The following CSF1R variants were observed in gnomAD, a reference collection of about 807,000 sequenced individuals.
The protein encoded by CSF1R is macrophage colony-stimulating factor 1 receptor.
Under a neutral mutation model 110.0 loss-of-function variants are expected in CSF1R, and 40 were observed. That is an observed-to-expected ratio of 0.36 (90% confidence interval 0.28 to 0.47). CSF1R has a LOEUF of 0.47. Ranked by LOEUF, CSF1R falls within the 20% of genes least tolerant of loss-of-function variation. The pLI is 0.99. For missense variants in CSF1R, 1,052 were observed against 1,253.0 expected, an observed-to-expected ratio of 0.84 and a Z score of 2.42; for synonymous variants, 523 against 503.4, an observed-to-expected ratio of 1.04 and a Z score of -0.52.
At chr5:150,102,163 C>A (rs1404026113) in intron 1 of CSF1R, among the ~76,000 whole-genome samples, 1 of 152,070 alleles carries the variant, frequency 6.6e-6, no homozygotes, top group African/African-American at 2.4e-5. Flanking sequence ...GAAGTGGGAT[C>A]GCCGGGTCAA....
intron 16 of CSF1R, among the ~76,000 whole-genome samples, chr5:150,056,961 C>T (rs185299123): frequency 9.2e-5 from 14 of 152,162 alleles, no homozygotes; most frequent in East Asian, 7.7e-4. Flanking sequence ...AGGAAGCTTC[C>T]GTTATCATCC....
upstream of CSF1R, among the ~76,000 whole-genome samples, chr5:150,088,151 A>G (rs560475370): frequency 1.4e-4 from 22 of 152,330 alleles, no homozygotes; most frequent in South Asian, 4.3e-3. Flanking sequence ...ATGTATATTT[A>G]TGAGTGTATA....
chr5:150,084,905 G>A (rs946303556), intron 1 of CSF1R, among the ~76,000 whole-genome samples: 5 of 152,136 alleles, frequency 3.3e-5, no homozygotes, highest in African/African-American at 1.2e-4. Context: ...GGGGGTGGCG[G>A]GTACACTGTG....
intron 9 of CSF1R, among the ~76,000 whole-genome samples, chr5:150,068,873 G>A (rs1757903681): frequency 6.6e-6 from 1 of 152,176 alleles, no homozygotes; most frequent in Admixed American, 6.5e-5. Flanking sequence ...GTGATGTTTT[G>A]GAGAACATAA....
intron 5 of CSF1R, among the ~76,000 whole-genome samples, chr5:150,075,465 C>T (rs1437809294): frequency 1.3e-5 from 2 of 152,220 alleles, no homozygotes; most frequent in Non-Finnish European, 1.5e-5. Flanking sequence ...AGCACAGTCC[C>T]GCTGCAGGAT....
chr5:150,053,980 A>G lies in CSF1R; in HGVS notation c.*89T>C, dbSNP rs984406490. The G allele has an allele frequency of 3.8e-6, 5 of 1,332,152 alleles. No individual in the cohort carries two copies. Among genetic ancestry groups the G allele is most frequent in the Non-Finnish European group, 5.3e-6 (5 of 949,288 alleles). The allele number at this position is 1,332,152 out of a possible 1,614,324, so 82.5% of individuals were successfully genotyped here. A position where few individuals can be genotyped will look rare whatever the true frequency, so the allele number is the denominator to read the frequency against. On this transcript the variant is annotated 3_prime_UTR_variant, in exon 21 of 21. Coordinates refer to ENST00000675795, the MANE Select transcript of CSF1R (RefSeq NM_001288705.3). ...GCTGTTGAGTGAAATGACCGAAGGCAGAGTTTGTATGTTCTCCCCGTGTCG... is the reference window on the plus strand; with the variant it reads ...GCTGTTGAGTGAAATGACCGAAGGCGGAGTTTGTATGTTCTCCCCGTGTCG...
chr5:150,070,384 C>T, intron 7 of CSF1R, 72 bp downstream of exon 7: 1 of 1,576,456 alleles, frequency 6.3e-7, no homozygotes, highest in Non-Finnish European at 8.6e-7. Context: ...CTGTGCCCTG[C>T]CCCAGTCAAC....
At chr5:150,065,845 T>C (rs1307992137) in intron 10 of CSF1R, among the ~76,000 whole-genome samples, 5 of 152,104 alleles carry the variant, frequency 3.3e-5, no homozygotes, top group African/African-American at 9.7e-5. Flanking sequence ...GGAGAGGGGA[T>C]ACAGAGTTCC....
chr5:150,078,345 GGT>G, intron 3 of CSF1R, 97 bp from the exon 4 acceptor site: 1 of 1,473,618 alleles, frequency 6.8e-7, no homozygotes, highest in Non-Finnish European at 9.1e-7. Context: ...CACAGGCCAG[GGT>G]CCCCATCACT....
At chr5:150,080,393 T>A in intron 2 of CSF1R, 57 bp from the exon 3 acceptor site, 1 of 1,571,788 alleles carries the variant, frequency 6.4e-7, no homozygotes. Flanking sequence ...GGCCAAGGAG[T>A]ACCTGGACAT....
chr5:150,097,411 GAAAA>G (rs1203533315), intron 1 of CSF1R, among the ~76,000 whole-genome samples: 1 of 146,566 alleles, frequency 6.8e-6, no homozygotes, highest in African/African-American at 2.5e-5. Context: ...AAGAAAGAAA[GAAAA>G]AAGAAAGAAA....
intron 6 of CSF1R, among the ~76,000 whole-genome samples, chr5:150,072,198 G>C (rs1758060811): frequency 6.6e-6 from 1 of 152,180 alleles, no homozygotes; most frequent in Non-Finnish European, 1.5e-5. Flanking sequence ...GGCAGGGTAT[G>C]AATGATTATT....
intron 2 of CSF1R, among the ~76,000 whole-genome samples, 156 bp downstream of exon 2, chr5:150,080,611 G>T (rs923561014): frequency 6.6e-6 from 1 of 152,206 alleles, no homozygotes; most frequent in African/African-American, 2.4e-5. Context: ...CAGGGTTGTT[G>T]TGAGGACTGC....
intron 5 of CSF1R, among the ~76,000 whole-genome samples, chr5:150,076,382 T>C (rs1325494562): frequency 6.6e-6 from 1 of 151,586 alleles, no homozygotes; most frequent in Non-Finnish European, 1.5e-5. Flanking sequence ...ATCTAATCTA[T>C]CTATCTTCTA....
At chr5:150,111,189 A>G (rs1759706914) in intron 1 of CSF1R, among the ~76,000 whole-genome samples, 1 of 152,232 alleles carries the variant, frequency 6.6e-6, no homozygotes, top group South Asian at 2.1e-4. Context: ...GGGAGCTGTG[A>G]GACCCTCATC....
intron 9 of CSF1R, 44 bp from the exon 10 acceptor site, chr5:150,068,374 C>T (rs1012042065): frequency 1.6e-5 from 23 of 1,466,192 alleles, no homozygotes; most frequent in Non-Finnish European, 2.0e-5. Context: ...GGGGTGCCTC[C>T]GAGCCCCCTG....
rs1247632490 is a variant in CSF1R at position 150,053,988 on chromosome 5, T to A, written c.*81A>T. ...GTGAAATGACCGAAGGCAGAGTTTGTATGTTCTCCCCGTGTCGCCCCATCC... is the reference window on the plus strand; with the variant it reads ...GTGAAATGACCGAAGGCAGAGTTTGAATGTTCTCCCCGTGTCGCCCCATCC... On this transcript the variant is annotated 3_prime_UTR_variant, in exon 21 of 21. Transcript: ENST00000675795. 7.2e-7 allele frequency: 1 copy of A among 1,396,650 alleles called. No individual in the cohort carries two copies. The highest frequency in any genetic ancestry group is 1.0e-6 in the Non-Finnish European group (1 of 1,003,482). The allele number at this position is 1,396,650 out of a possible 1,614,324, so 86.5% of individuals were successfully genotyped here. A position where few individuals can be genotyped will look rare whatever the true frequency, so the allele number is the denominator to read the frequency against.
intron 19 of CSF1R, chr5:150,054,708 C>T (rs1757115362): frequency 2.6e-6 from 1 of 391,600 alleles, no homozygotes; most frequent in Non-Finnish European, 4.6e-6. Flanking sequence ...TGTTTAGGGA[C>T]AGGTGCAGTG....
intron 10 of CSF1R, among the ~76,000 whole-genome samples, chr5:150,063,392 A>C (rs114275668): frequency 0.022 from 3,321 of 151,716 alleles, 79 homozygotes; most frequent in African/African-American, 0.061. Flanking sequence ...TCCTTCACTC[A>C]TGCCGGAGTG....
Sources: allele counts gnomAD v4.1 joint callset (sites outside exome capture counted in the v4.1 genomes callset), GRCh38; gene constraint gnomAD v4.1.1; transcripts MANE v1.5; gene names NCBI Gene and HGNC (gene_info 2026-07-23, HGNC 2026-07-21).